Variants in CRACR2A observed in about 807,000 individuals in gnomAD.
The protein encoded by CRACR2A is EF-hand calcium-binding domain-containing protein 4B.
CRACR2A carries 79 observed loss-of-function variants against 90.5 expected under a neutral mutation model. That is an observed-to-expected ratio of 0.87 (90% CI 0.73 to 1.05). The LOEUF (loss-of-function observed/expected upper bound fraction) is 1.05, where lower values mean the gene tolerates loss of function less well. Ranked by LOEUF, CRACR2A falls within the 50% of genes least tolerant of loss-of-function variation. The pLI, the probability that CRACR2A is intolerant of heterozygous loss-of-function variation, is 0.00. For synonymous variants in CRACR2A, 338 were observed against 356.7 expected (o/e 0.95, Z 0.59); for missense variants, 823 against 897.2 (o/e 0.92, Z 1.06).
At chr12:3,705,975 C>T (rs187055833) in intron 3 of CRACR2A, among the ~76,000 whole-genome samples, 4 of 152,230 alleles carry the variant, frequency 2.6e-5, no homozygotes, top group African/African-American at 4.8e-5. Context: ...TCAGCTCTCA[C>T]CAAGAAAGAG....
intron 4 of CRACR2A, among the ~76,000 whole-genome samples, chr12:3,681,519 G>C (rs1178037906): frequency 6.6e-6 from 1 of 152,220 alleles, no homozygotes; most frequent in African/African-American, 2.4e-5. Context: ...AACTTGCATA[G>C]ATGAAGCAAG....
intron 10 of CRACR2A, among the ~76,000 whole-genome samples, chr12:3,649,465 C>A (rs2137432401): frequency 6.6e-6 from 1 of 152,310 alleles, no homozygotes; most frequent in Admixed American, 6.5e-5. Flanking sequence ...TTCCCACCCT[C>A]CTCCCAAAGT....
At chr12:3,660,887 C>CACACACA (rs1271154180) in intron 7 of CRACR2A, among the ~76,000 whole-genome samples, 96 of 118,974 alleles carry the variant, frequency 8.1e-4, no homozygotes, top group Admixed American at 3.1e-3. Context: ...CACACACACA[C>CACACACA]AATTTTGGCC....
intron 2 of CRACR2A, among the ~76,000 whole-genome samples, chr12:3,723,751 C>G (rs1289264904): frequency 6.6e-6 from 1 of 152,140 alleles, no homozygotes; most frequent in East Asian, 1.9e-4. Context: ...TCCACCAGGG[C>G]CTCTTATCCA....
At chr12:3,743,224 T>C (rs1946556419) in intron 1 of CRACR2A, among the ~76,000 whole-genome samples, 1 of 152,246 alleles carries the variant, frequency 6.6e-6, no homozygotes, top group Admixed American at 6.5e-5. Flanking sequence ...CTGAGTAACT[T>C]TTCTTTTTTC....
intron 17 of CRACR2A, among the ~76,000 whole-genome samples, chr12:3,622,501 G>A (rs1293047982): frequency 6.6e-6 from 1 of 152,196 alleles, no homozygotes; most frequent in African/African-American, 2.4e-5. Context: ...TTGGAAGACA[G>A]ACTTGTTGAA....
intron 4 of CRACR2A, among the ~76,000 whole-genome samples, chr12:3,693,242 G>T (rs1013053165): frequency 2.0e-5 from 3 of 152,222 alleles, no homozygotes; most frequent in Admixed American, 1.3e-4. Context: ...CCCTACTGGA[G>T]CTCTCTGCCA....
chr12:3,618,740 TA>T (rs1218196689), intron 18 of CRACR2A, among the ~76,000 whole-genome samples: 1 of 152,226 alleles, frequency 6.6e-6, no homozygotes, highest in African/African-American at 2.4e-5. Flanking sequence ...TGATTTCCAT[TA>T]AGCCCCATTG....
At position 3,627,695 on chromosome 12, in the gene CRACR2A, G is replaced by A. The variant is rs750191621; in HGVS notation, c.1747C>T (p.Arg583Cys). 51 of 1,551,624 alleles carry A rather than the reference G, an allele frequency of 3.3e-5. No individual in the cohort carries two copies. In the Admixed American group the frequency reaches 5.5e-4, roughly 17 times the overall value. ...GMAATVGIDY[R>C]VKTLNVDNSQ... ...TTGTCCACATTCAACGTCTTCACAC[G>A]GTAATCAATGCCTGCAGGGTGAAAT... The change falls in exon 16 of 20, where the codon CGT becomes TGT. Residue 583 changes from arginine to cysteine, a missense_variant. Arg to Cys is a radical substitution (Grantham distance 180, BLOSUM62 -3). Transcript: ENST00000440314.
rs241997 is a variant in CRACR2A, at chr12:3,705,651, C to T, written c.-37+7586G>A. Among the ~76,000 whole-genome samples the T allele has an allele frequency of 4.7e-3, 713 of 152,284 alleles. 4 individuals are homozygous for T. The highest frequency in any genetic ancestry group is 0.016 in the African/African-American group (659 of 41,546). ...GCCCCAGTGATTAACTCGGAGCTGG[C>T]GATGCCTGATAAAGGCAAAGAGATA... On this transcript the variant is annotated intron_variant, in intron 3 of 19. Transcript: ENST00000440314.
At chr12:3,735,004 G>A (rs1301163907) in intron 1 of CRACR2A, among the ~76,000 whole-genome samples, 1 of 152,130 alleles carries the variant, frequency 6.6e-6, no homozygotes, top group Admixed American at 6.5e-5. Context: ...TAAGAGGGTA[G>A]ATTTTAAATG....
At chr12:3,627,362 C>T (rs1016060728) in intron 17 of CRACR2A, 74 bp downstream of exon 17, 39 of 1,116,932 alleles carry the variant, frequency 3.5e-5, no homozygotes, top group Middle Eastern at 4.0e-4. Context: ...CAGAGGCCCA[C>T]GTGGGAGATG....
intron 17 of CRACR2A, among the ~76,000 whole-genome samples, chr12:3,625,371 C>G (rs1449709924): frequency 6.6e-6 from 1 of 151,882 alleles, no homozygotes; most frequent in Non-Finnish European, 1.5e-5. Context: ...TCCACCTCTT[C>G]TTCTAGATCC....
chr12:3,632,070 A>G (rs1050933863), intron 15 of CRACR2A, among the ~76,000 whole-genome samples: 2 of 152,068 alleles, frequency 1.3e-5, no homozygotes, highest in African/African-American at 4.8e-5. Flanking sequence ...TCCTTCATGA[A>G]TGGTTTAGCA....
chr12:3,711,124 T>C lies in CRACR2A; in HGVS notation c.-37+2113A>G, dbSNP rs1591704937. Among the ~76,000 whole-genome samples, 1 of 152,224 alleles carries C rather than the reference T, an allele frequency of 6.6e-6. No individual in the cohort carries two copies. Among genetic ancestry groups the C allele is most frequent in the Non-Finnish European group, 1.5e-5 (1 of 68,050 alleles). On this transcript the variant is annotated intron_variant, in intron 3 of 19. Coordinates refer to ENST00000440314, the MANE Select transcript of CRACR2A (RefSeq NM_001144958.2). The surrounding 1 kb of genome is among the most constrained non-coding windows in gnomAD (Gnocchi z 4.3). Reference sequence around the variant, plus strand: ...AAATATCATGTAAATTAGATATGGTTGAGACTCGGTATTATTCATTCTAAG... The same window carrying C: ...AAATATCATGTAAATTAGATATGGTCGAGACTCGGTATTATTCATTCTAAG...
rs994184793 is a variant in CRACR2A, at chr12:3,711,132, G to A, written c.-37+2105C>T. On this transcript the variant is annotated intron_variant, in intron 3 of 19. Coordinates refer to ENST00000440314, the MANE Select transcript of CRACR2A (RefSeq NM_001144958.2). This position sits in a 1 kb window ranked among gnomAD's most constrained non-coding sequence, Gnocchi z 4.3. ...TGTAAATTAGATATGGTTGAGACTC[G>A]GTATTATTCATTCTAAGACAAATTC... Among the ~76,000 whole-genome samples, 3 of 152,102 alleles carry A rather than the reference G, an allele frequency of 2.0e-5. No individual in the cohort carries two copies. Among genetic ancestry groups the A allele is most frequent in the Non-Finnish European group, 4.4e-5 (3 of 68,034 alleles).
chr12:3,636,594 T>C (rs779638667), intron 14 of CRACR2A, among the ~76,000 whole-genome samples: 5 of 152,226 alleles, frequency 3.3e-5, no homozygotes, highest in Non-Finnish European at 7.3e-5. Context: ...GCTTAAGCCT[T>C]TTTCTTCAAC....
intron 18 of CRACR2A, 52 bp from the exon 19 acceptor site, chr12:3,617,082 G>A (rs1047192917): frequency 7.3e-7 from 1 of 1,372,810 alleles, no homozygotes. Context: ...AGAGGGGATT[G>A]TGGGGGGTGG....
chr12:3,691,597 A>C (rs1437141576), intron 4 of CRACR2A, among the ~76,000 whole-genome samples: 3 of 152,086 alleles, frequency 2.0e-5, no homozygotes, highest in Non-Finnish European at 4.4e-5. Flanking sequence ...AATCTTGGAA[A>C]ATCTGATTAT....
Sources: allele counts gnomAD v4.1 joint callset (sites outside exome capture counted in the v4.1 genomes callset), GRCh38; gene constraint gnomAD v4.1.1; non-coding constraint Gnocchi (gnomAD v3.1); transcripts MANE v1.5; gene names NCBI Gene and HGNC (gene_info 2026-07-23, HGNC 2026-07-21).